The following GALNT13 variants were observed in gnomAD, a reference collection of about 807,000 sequenced individuals.
GALNT13 encodes UDP-GalNAc:polypeptide N-acetylgalactosaminyltransferase 13.
A neutral mutation model predicts 64.2 loss-of-function variants in GALNT13; 28 were observed. The observed-to-expected ratio is 0.44, with a 90% CI of 0.32 to 0.60. The LOEUF (loss-of-function observed/expected upper bound fraction) is 0.60, where lower values mean the gene tolerates loss of function less well. Among genes scored for constraint, GALNT13 ranks in the 20% least tolerant of loss-of-function variants. GALNT13 has a pLI of 0.05. For missense variants in GALNT13, 577 were observed against 669.8 expected (o/e 0.86, Z 1.53); for synonymous variants, 214 against 224.6 (o/e 0.95, Z 0.42).
chr2:154,374,169 A>G (rs993491424), intron 9 of GALNT13, among the ~76,000 whole-genome samples: 1 of 152,204 alleles, frequency 6.6e-6, no homozygotes, highest in East Asian at 1.9e-4. Flanking sequence ...GCAAATTGGT[A>G]ATATGATTTA....
chr2:153,118,251 T>A, the GALNT13 span, among the ~76,000 whole-genome samples: 3 of 152,092 alleles, frequency 2.0e-5, no homozygotes, highest in South Asian at 6.2e-4. Flanking sequence ...TAAAACTTCT[T>A]CAAACACAAC....
At chr2:153,217,217 G>A in the GALNT13 span, among the ~76,000 whole-genome samples, 4 of 151,958 alleles carry the variant, frequency 2.6e-5, no homozygotes, top group Non-Finnish European at 5.9e-5. Context: ...ACAAAACCTG[G>A]TATCAGACAT....
At chr2:153,366,623 G>T in the GALNT13 span, among the ~76,000 whole-genome samples, 29,099 of 151,274 alleles carry the variant, frequency 0.19, 2,976 homozygotes, top group South Asian at 0.25. Context: ...ATTTGAAGAA[G>T]TGATGGGCAA....
intron 3 of GALNT13, among the ~76,000 whole-genome samples, chr2:154,011,397 T>C (rs1201516086): frequency 6.6e-6 from 1 of 152,132 alleles, no homozygotes; most frequent in Non-Finnish European, 1.5e-5. Context: ...TTGAGTGATC[T>C]TCATGGCTAT....
intron 8 of GALNT13, among the ~76,000 whole-genome samples, chr2:154,270,594 T>C (rs1691301220): frequency 6.6e-6 from 1 of 151,614 alleles, no homozygotes; most frequent in Non-Finnish European, 1.5e-5. Flanking sequence ...GCAAGAGAAA[T>C]AAAGTAACAA....
chr2:153,864,158 G>A, the GALNT13 span, among the ~76,000 whole-genome samples: 135,936 of 152,128 alleles, frequency 0.89, 61,494 homozygotes, highest in Non-Finnish European at 0.94. Flanking sequence ...GCTAAATAGC[G>A]TACATAGTCA....
At chr2:153,329,438 A>G in the GALNT13 span, among the ~76,000 whole-genome samples, 5 of 152,196 alleles carry the variant, frequency 3.3e-5, 1 homozygote, top group South Asian at 6.2e-4. Context: ...GCTGGTATCT[A>G]TTGCTTTTTG....
At chr2:153,591,600 A>T in the GALNT13 span, among the ~76,000 whole-genome samples, 1 of 152,040 alleles carries the variant, frequency 6.6e-6, no homozygotes. Flanking sequence ...AAATAAACAC[A>T]TATATCAACA....
intron 9 of GALNT13, among the ~76,000 whole-genome samples, chr2:154,391,750 G>T (rs1698803897): frequency 1.3e-5 from 2 of 152,122 alleles, no homozygotes; most frequent in South Asian, 4.1e-4. Context: ...ATATTATCAG[G>T]TAGGATACCT....
the GALNT13 span, among the ~76,000 whole-genome samples, chr2:153,774,730 A>C: frequency 3.3e-5 from 5 of 152,108 alleles, no homozygotes; most frequent in African/African-American, 9.7e-5. Context: ...TCATCTTTAC[A>C]AACATTTAAA....
the GALNT13 span, among the ~76,000 whole-genome samples, chr2:153,387,815 T>A: frequency 6.6e-6 from 1 of 152,122 alleles, no homozygotes; most frequent in East Asian, 1.9e-4. Flanking sequence ...AAGCACCTCA[T>A]AAAAAGCTCA....
At chr2:154,375,421 C>A (rs1423334161) in intron 9 of GALNT13, among the ~76,000 whole-genome samples, 1 of 152,184 alleles carries the variant, frequency 6.6e-6, no homozygotes, top group Non-Finnish European at 1.5e-5. Context: ...AAACCCTGGG[C>A]TACTTTCCTT....
At chr2:153,702,614 G>GA in the GALNT13 span, among the ~76,000 whole-genome samples, 2 of 151,924 alleles carry the variant, frequency 1.3e-5, no homozygotes, top group African/African-American at 4.8e-5. Flanking sequence ...GTATATGGGA[G>GA]AAAAAAATAA....
At chr2:153,785,863 C>T in the GALNT13 span, among the ~76,000 whole-genome samples, 1 of 152,126 alleles carries the variant, frequency 6.6e-6, no homozygotes, top group African/African-American at 2.4e-5. Context: ...TCCGGAGAGT[C>T]CTTGGGGACC....
chr2:154,025,505 T>C (rs920476138), intron 3 of GALNT13, among the ~76,000 whole-genome samples: 2 of 150,982 alleles, frequency 1.3e-5, no homozygotes, highest in Non-Finnish European at 2.9e-5. Flanking sequence ...CAGTTTTACA[T>C]TGTGTTATTT....
chr2:153,541,894 A>G, the GALNT13 span, among the ~76,000 whole-genome samples: 2 of 152,198 alleles, frequency 1.3e-5, no homozygotes, highest in African/African-American at 2.4e-5. Context: ...TGAAACTATG[A>G]TCAAATACAT....
At chr2:153,271,305 A>G in the GALNT13 span, among the ~76,000 whole-genome samples, 1 of 152,210 alleles carries the variant, frequency 6.6e-6, no homozygotes, top group African/African-American at 2.4e-5. Context: ...AAGGGTATTC[A>G]AACAGGAAGA....
chr2:154,273,978 G>GT lies in GALNT13; in HGVS notation c.975+14846dup, dbSNP rs1320922597. 1.2e-4 allele frequency among the ~76,000 whole-genome samples: 18 copies of GT among 151,620 alleles called. No homozygotes were observed. In the East Asian group the frequency reaches 2.9e-3, roughly 24 times the overall value. On this transcript the variant is annotated intron_variant, in intron 8 of 12. Coordinates refer to ENST00000392825, the MANE Select transcript of GALNT13 (RefSeq NM_052917.4). ...TAGTATAGATTAAATATATAAGAAG[G>GT]TTTTTTCTCATTATTTTGTTTCTTA...
the GALNT13 span, among the ~76,000 whole-genome samples, chr2:153,548,217 C>T: frequency 6.6e-6 from 1 of 152,068 alleles, no homozygotes; most frequent in Non-Finnish European, 1.5e-5. Flanking sequence ...TGGAGTGGGG[C>T]CTGACACCCT....
Sources: gnomAD v4.1 joint callset for allele counts (sites outside exome capture counted in the v4.1 genomes callset) on GRCh38, gnomAD v4.1.1 for gene constraint, MANE v1.5 for transcripts, NCBI Gene and HGNC (gene_info 2026-07-23, HGNC 2026-07-21) for gene names.